The following PIK3C2G variants were observed in gnomAD, a reference collection of about 807,000 sequenced individuals.
PIK3C2G encodes phosphatidylinositol-4-phosphate 3-kinase catalytic subunit type 2 gamma.
Under a neutral mutation model 181.1 loss-of-function variants are expected in PIK3C2G, and 168 were observed. The ratio of observed to expected loss-of-function variants is 0.93; its 90% confidence interval spans 0.82 to 1.05. PIK3C2G has a LOEUF of 1.05. Ranked by LOEUF, PIK3C2G falls within the 50% of genes least tolerant of loss-of-function variation. PIK3C2G has a pLI of 0.00. For missense variants in PIK3C2G, 1,869 were observed against 1,732.8 expected, an observed-to-expected ratio of 1.08 and a Z score of -1.40; for synonymous variants, 573 against 592.2, an observed-to-expected ratio of 0.97 and a Z score of 0.47.
intron 31 of PIK3C2G, among the ~76,000 whole-genome samples, chr12:18,629,352 A>G (rs184136576): frequency 6.6e-6 from 1 of 152,190 alleles, no homozygotes; most frequent in Non-Finnish European, 1.5e-5. Context: ...GGTCATCATC[A>G]GCTCCTAGGA....
rs531926675 is a variant in PIK3C2G, at chr12:18,552,063, G to T, written c.3590+5631G>T. Among the ~76,000 whole-genome samples the T allele has an allele frequency of 1.8e-4, 28 of 152,182 alleles. No homozygotes were observed. The South Asian group carries it at 5.6e-3, about 30-fold the overall frequency. ...TTGAGCTGTGAGGGAAGTCTTAGGA[G>T]GGGCCATTAGGCAGAATAGGCACAG... On this transcript the variant is annotated intron_variant, in intron 26 of 32. Transcript: ENST00000538779.
At chr12:18,457,324 G>A (rs1947684105) in intron 18 of PIK3C2G, among the ~76,000 whole-genome samples, 1 of 152,086 alleles carries the variant, frequency 6.6e-6, no homozygotes, top group Admixed American at 6.6e-5. Context: ...CTTTTGGATG[G>A]CAATTGAGGA....
intron 18 of PIK3C2G, among the ~76,000 whole-genome samples, chr12:18,438,390 G>A (rs149260106): frequency 6.6e-6 from 1 of 151,820 alleles, no homozygotes; most frequent in Non-Finnish European, 1.5e-5. Flanking sequence ...ACTCCAGTGT[G>A]GCTCTGACTG....
At chr12:18,591,030 AC>A (rs1947049507) in intron 29 of PIK3C2G, among the ~76,000 whole-genome samples, 1 of 151,988 alleles carries the variant, frequency 6.6e-6, no homozygotes, top group South Asian at 2.1e-4. Context: ...AAAGTAATTG[AC>A]TAGTTGTCAA....
intron 18 of PIK3C2G, among the ~76,000 whole-genome samples, chr12:18,440,855 T>A: frequency 6.6e-6 from 1 of 152,252 alleles, no homozygotes; most frequent in East Asian, 1.9e-4. Flanking sequence ...AGTTTTGATC[T>A]ATTGAAGTGT....
chr12:18,454,088 C>CA (rs143543865), intron 18 of PIK3C2G, among the ~76,000 whole-genome samples: 2,769 of 152,228 alleles, frequency 0.018, 68 homozygotes, highest in African/African-American at 0.063. Flanking sequence ...CATATTCATT[C>CA]ATCTGCTTCT....
rs114363106 is a variant in PIK3C2G, at chr12:18,323,399, A to C, written c.1209-1636A>C. Among the ~76,000 whole-genome samples, 472 of 152,308 alleles carry C rather than the reference A, an allele frequency of 3.1e-3. 2 individuals carry two copies. The highest frequency in any genetic ancestry group is 0.011 in the African/African-American group (440 of 41,558). On this transcript the variant is annotated intron_variant, in intron 7 of 32. Coordinates refer to ENST00000538779, the MANE Select transcript of PIK3C2G (RefSeq NM_001288772.2). ...AAAACAGAAGTTCAAACACTTGGCA[A>C]CCATCACACAAATATTTAATCCCAT... is the stretch of plus-strand genomic sequence containing the variant.
chr12:18,594,470 A>T, intron 29 of PIK3C2G, 24 bp from the exon 30 acceptor site: 1 of 1,421,612 alleles, frequency 7.0e-7, no homozygotes, highest in East Asian at 2.5e-5. Context: ...ATAAAGAAAT[A>T]TTATGTTTCA....
At chr12:18,354,939 G>T (rs766832907) in intron 11 of PIK3C2G, among the ~76,000 whole-genome samples, 1 of 151,928 alleles carries the variant, frequency 6.6e-6, no homozygotes, top group Admixed American at 6.6e-5. Context: ...CCACCCACAG[G>T]TGCCATTGCA....
chr12:18,369,409 A>G (rs1447542156), intron 12 of PIK3C2G, among the ~76,000 whole-genome samples: 2 of 152,144 alleles, frequency 1.3e-5, no homozygotes, highest in Non-Finnish European at 2.9e-5. Flanking sequence ...AGGCATTATC[A>G]TATAATGATC....
At chr12:18,508,269 T>C (rs1941975993) in intron 24 of PIK3C2G, among the ~76,000 whole-genome samples, 2 of 152,214 alleles carry the variant, frequency 1.3e-5, no homozygotes, top group African/African-American at 4.8e-5. Flanking sequence ...TTCTCAATGC[T>C]GATACATTTG....
At chr12:18,552,275 C>A (rs984047333) in intron 26 of PIK3C2G, among the ~76,000 whole-genome samples, 1 of 152,224 alleles carries the variant, frequency 6.6e-6, no homozygotes, top group African/African-American at 2.4e-5. Context: ...GGGTGTGAGA[C>A]AAGACTCTTT....
chr12:18,535,935 A>C lies in PIK3C2G; in HGVS notation c.3324-2221A>C, dbSNP rs11044167. 3.6e-3 allele frequency among the ~76,000 whole-genome samples: 543 copies of C among 149,398 alleles called. 8 individuals are homozygous for C. In the East Asian group the frequency reaches 0.06, roughly 16 times the overall value. Reference sequence around the variant, plus strand: ...AGATCACATGGACACAGGAAGGGGAACATCACACACCAGGGCCTGCTGTGG... The same window carrying C: ...AGATCACATGGACACAGGAAGGGGACCATCACACACCAGGGCCTGCTGTGG... On this transcript the variant is annotated intron_variant, in intron 24 of 32. Coordinates refer to ENST00000538779, the MANE Select transcript of PIK3C2G (RefSeq NM_001288772.2).
chr12:18,716,353 G>A, the PIK3C2G span, among the ~76,000 whole-genome samples: 1,958 of 152,158 alleles, frequency 0.013, 42 homozygotes, highest in African/African-American at 0.045. Context: ...CATGGATCAA[G>A]TCAACCTTTA....
At chr12:18,504,072 CA>C (rs1192954046) in intron 23 of PIK3C2G, among the ~76,000 whole-genome samples, 1 of 151,992 alleles carries the variant, frequency 6.6e-6, no homozygotes, top group African/African-American at 2.4e-5. Flanking sequence ...CTAATTCATG[CA>C]AAAAATGCAC....
At chr12:18,543,868 C>T (rs1051479026) in intron 25 of PIK3C2G, among the ~76,000 whole-genome samples, 8 of 151,762 alleles carry the variant, frequency 5.3e-5, no homozygotes, top group Admixed American at 2.0e-4. Flanking sequence ...TACAAAGTGC[C>T]GTGCTGTGCA....
chr12:18,725,619 A>G, the PIK3C2G span, among the ~76,000 whole-genome samples: 1 of 152,068 alleles, frequency 6.6e-6, no homozygotes, highest in African/African-American at 2.4e-5. Flanking sequence ...ACAAAACCCC[A>G]ACTGTATTGT....
At chr12:18,579,697 A>G (rs1592633921) in intron 29 of PIK3C2G, among the ~76,000 whole-genome samples, 1 of 152,144 alleles carries the variant, frequency 6.6e-6, no homozygotes, top group Admixed American at 6.5e-5. Flanking sequence ...CTTTTCCTCA[A>G]AATGGATTTA....
intron 11 of PIK3C2G, among the ~76,000 whole-genome samples, chr12:18,354,128 C>T (rs146574024): frequency 6.6e-5 from 10 of 152,374 alleles, no homozygotes; most frequent in East Asian, 5.8e-4. Flanking sequence ...AGTAACATAA[C>T]GTCTTTCTAG....
Sources: allele counts gnomAD v4.1 joint callset (sites outside exome capture counted in the v4.1 genomes callset), GRCh38; gene constraint gnomAD v4.1.1; transcripts MANE v1.5; gene names NCBI Gene and HGNC (gene_info 2026-07-23, HGNC 2026-07-21).